Variants in CYB561D1 observed in about 807,000 individuals in gnomAD.
CYB561D1 encodes the protein cytochrome b561 family member D1.
A neutral mutation model predicts 19.2 loss-of-function variants in CYB561D1; 15 were observed. That is an observed-to-expected ratio of 0.78 (90% confidence interval 0.52 to 1.20). The LOEUF (loss-of-function observed/expected upper bound fraction) is 1.20, where lower values mean the gene tolerates loss of function less well. CYB561D1 is among the 50% of genes most tolerant of loss of function. The pLI, the probability that CYB561D1 is intolerant of heterozygous loss-of-function variation, is 0.00. For synonymous variants in CYB561D1, 133 were observed against 120.6 expected (o/e 1.10, Z -0.68); for missense variants, 297 against 287.3 (o/e 1.03, Z -0.24).
At position 109,498,536 on chromosome 1, in the gene CYB561D1, C is replaced by T. The variant is rs1321800509; in HGVS notation, c.*2277C>T. Reference sequence around the variant, plus strand: ...ATTGTGGAGGGACTTCCCTCCCCCTCTTTTCCATTTCTCCCTCCATCACCA... The same window carrying T: ...ATTGTGGAGGGACTTCCCTCCCCCTTTTTTCCATTTCTCCCTCCATCACCA... On this transcript the variant is annotated 3_prime_UTR_variant, in exon 3 of 3. Transcript: ENST00000420578. The T allele has an allele frequency of 6.6e-6, 1 of 152,242 alleles. No individual in the cohort carries two copies. Among genetic ancestry groups the T allele is most frequent in the Non-Finnish European group, 1.5e-5 (1 of 68,126 alleles). 9.4% of individuals were successfully genotyped at this position (152,242 alleles called of 1,614,324 possible). A position where few individuals can be genotyped will look rare whatever the true frequency, so the allele number is the denominator to read the frequency against.
chr1:109,494,578 T>C (rs557084559), intron 1 of CYB561D1: 5 of 1,408,730 alleles, frequency 3.5e-6, no homozygotes, highest in South Asian at 1.2e-5. Flanking sequence ...GGGTCATGCC[T>C]GAAATCCCAG....
At chr1:109,494,909 G>A (rs1310548583) in intron 1 of CYB561D1, among the ~76,000 whole-genome samples, 1 of 152,150 alleles carries the variant, frequency 6.6e-6, no homozygotes, top group Non-Finnish European at 1.5e-5. Flanking sequence ...GCTGCCAGCT[G>A]AGAGGTGCTG....
rs1224096331 is a variant in CYB561D1, at chr1:109,496,073, A to G, written c.504A>G (p.Thr168=). The G allele has an allele frequency of 1.2e-6, 2 of 1,614,020 alleles. No homozygotes were observed. The highest frequency in any genetic ancestry group is 2.2e-5 in the South Asian group (2 of 91,078). The change falls in exon 3 of 3, where the codon ACA becomes ACG. Residue 168 remains threonine (T), a synonymous_variant. Coordinates refer to ENST00000420578, the MANE Select transcript of CYB561D1 (RefSeq NM_182580.3). The part of the protein sequence containing the change: ...RVARLKLYHL[T]CGLVVYLMAT... ...CTCGCCTCAAGCTCTACCATCTGAC[A>G]TGTGGACTGGTGGTCTACCTGATGG...
chr1:109,494,168 C>T lies in CYB561D1; in HGVS notation c.29C>T (p.Pro10Leu). The change falls in exon 1 of 3, where the codon CCC becomes CTC. Residue 10 changes from proline (P) to leucine (L), a missense_variant. Pro to Leu is a moderately conservative substitution (Grantham distance 98). Transcript: ENST00000420578. ...CAGCCCCTGGAGGTAGGTCTGGTTC[C>T]CGCTCCAGCTGGGGAGCCGAGACTG... is the stretch of plus-strand genomic sequence containing the variant. MQPLEVGLV[P>L]APAGEPRLTR... The T allele has an allele frequency of 6.5e-7, 1 of 1,545,492 alleles. No homozygotes were observed. The highest frequency in any genetic ancestry group is 8.7e-7 in the Non-Finnish European group (1 of 1,143,498).
In CYB561D1 at chr1:109,498,107, G is replaced by A. The variant is rs988431631; in HGVS notation, c.*1848G>A. ...ATCTCCTCTTTCCTCATCACAGCCAGTGCTGAGAGGCTCCTTCTACCTGCC... is the reference window on the plus strand; with the variant it reads ...ATCTCCTCTTTCCTCATCACAGCCAATGCTGAGAGGCTCCTTCTACCTGCC... On this transcript the variant is annotated 3_prime_UTR_variant, in exon 3 of 3. Coordinates refer to ENST00000420578, the MANE Select transcript of CYB561D1 (RefSeq NM_182580.3). The A allele has an allele frequency of 2.6e-5, 4 of 152,270 alleles. No individual in the cohort carries two copies. The highest frequency in any genetic ancestry group is 5.9e-5 in the Non-Finnish European group (4 of 68,066). 9.4% of individuals were successfully genotyped at this position (152,270 alleles called of 1,614,324 possible).
At chr1:109,495,644 C>T (rs1354366175) in intron 2 of CYB561D1, 112 bp from the exon 3 acceptor site, 2 of 1,566,990 alleles carry the variant, frequency 1.3e-6, no homozygotes, top group Admixed American at 3.6e-5. Context: ...CCTGGTTGAA[C>T]TTATTTAACC....
chr1:109,497,499 CA>C lies in CYB561D1; in HGVS notation c.*1241del, dbSNP rs2101052008. On this transcript the variant is annotated 3_prime_UTR_variant, in exon 3 of 3. Coordinates refer to ENST00000420578, the MANE Select transcript of CYB561D1 (RefSeq NM_182580.3). The stretch of plus-strand genomic sequence containing the variant: ...CCAGAGACCACCCCGCTCCTTGCTG[CA>C]GCTGAAAGTAGTTCCCCAGGCTGCC... The C allele has an allele frequency of 6.6e-6, 1 of 152,466 alleles. No homozygotes were observed. The highest frequency in any genetic ancestry group is 1.9e-4 in the East Asian group (1 of 5,176). The allele number at this position is 152,466 out of a possible 1,614,324, so 9.4% of individuals were successfully genotyped here. A position where few individuals can be genotyped will look rare whatever the true frequency, so the allele number is the denominator to read the frequency against.
At chr1:109,494,559 G>A (rs1274675699) in intron 1 of CYB561D1, 1 of 1,449,822 alleles carries the variant, frequency 6.9e-7, no homozygotes, top group Non-Finnish European at 9.2e-7. Flanking sequence ...GAAGGAGGCC[G>A]GGCGCGGTGG....
rs1657507230 is a variant in CYB561D1, at chr1:109,495,842, G to A, written c.273G>A (p.Arg91=). 1.2e-6 allele frequency: 2 copies of A among 1,613,810 alleles called. No homozygotes were observed. Among genetic ancestry groups the A allele is most frequent in the Non-Finnish European group, 1.7e-6 (2 of 1,180,036 alleles). Residue 91 remains arginine (R), a synonymous_variant, in exon 3 of 3, where the codon CGG becomes CGA. Coordinates refer to ENST00000420578, the MANE Select transcript of CYB561D1 (RefSeq NM_182580.3). ...TCTGCTCCCGAAAAGCACGGATCCG[G>A]CTCCACTGGGCAGGGCAGACCCTAG... ...FFFCSRKARI[R]LHWAGQTLAI... is the part of the protein sequence containing the mutation.
chr1:109,496,046 G>C lies in CYB561D1; in HGVS notation c.477G>C (p.Val159=). ...CCCGGGCAGCCAGGGTCTCAAGGGT[G>C]GCTCGCCTCAAGCTCTACCATCTGA... ...LCPRAARVSR[V]ARLKLYHLTC... Residue 159 remains valine (V), a synonymous_variant, in exon 3 of 3, where the codon GTG becomes GTC. Transcript: ENST00000420578. 1 of 1,613,136 alleles carries C rather than the reference G, an allele frequency of 6.2e-7. No homozygotes were observed.
intron 2 of CYB561D1, 88 bp downstream of exon 2, chr1:109,495,268 T>A: frequency 1.4e-6 from 2 of 1,471,558 alleles, no homozygotes; most frequent in Non-Finnish European, 1.9e-6. Flanking sequence ...GCTCAGCCTT[T>A]CTAAGGCTAA....
In CYB561D1 at chr1:109,496,387, G is replaced by T; in HGVS notation, c.*128G>T. On this transcript the variant is annotated 3_prime_UTR_variant, in exon 3 of 3. Transcript: ENST00000420578. ...CTTCTTGGCTGGTCCAGGGACTGCA[G>T]AAACCAAAGCTGCTATTGTTGAGGA... is the stretch of plus-strand genomic sequence containing the variant. The T allele has an allele frequency of 9.4e-7, 1 of 1,063,828 alleles. No homozygotes were observed. 65.9% of individuals were successfully genotyped at this position (1,063,828 alleles called of 1,614,324 possible). A position where few individuals can be genotyped will look rare whatever the true frequency, so the allele number is the denominator to read the frequency against.
At chr1:109,495,229 C>A (rs754412313) in intron 2 of CYB561D1, 49 bp downstream of exon 2, 3 of 1,601,534 alleles carry the variant, frequency 1.9e-6, no homozygotes, top group South Asian at 1.1e-5. Context: ...TCACCTCATT[C>A]TCCCAGGGAA....
At chr1:109,495,603 C>G in intron 2 of CYB561D1, 153 bp from the exon 3 acceptor site, 9 of 1,454,706 alleles carry the variant, frequency 6.2e-6, no homozygotes, top group Non-Finnish European at 8.3e-6. Flanking sequence ...CCCAAATGTT[C>G]CCAGAAATGT....
At chr1:109,495,704 TC>T in intron 2 of CYB561D1, 51 bp from the exon 3 acceptor site, 4 of 1,613,994 alleles carry the variant, frequency 2.5e-6, no homozygotes. Flanking sequence ...CTCCTTTTTC[TC>T]AGGCCTCCAA....
At position 109,498,071 on chromosome 1, in the gene CYB561D1, C is replaced by T. The variant is rs1244345310; in HGVS notation, c.*1812C>T. ...GAATTTCACCTGCGGTGATTTTGATCCAGGGACTGCATCTCCTCTTTCCTC... is the reference window on the plus strand; with the variant it reads ...GAATTTCACCTGCGGTGATTTTGATTCAGGGACTGCATCTCCTCTTTCCTC... On this transcript the variant is annotated 3_prime_UTR_variant, in exon 3 of 3. Transcript: ENST00000420578. 1.3e-5 allele frequency: 2 copies of T among 152,254 alleles called. No homozygotes were observed. Among genetic ancestry groups the T allele is most frequent in the Non-Finnish European group, 2.9e-5 (2 of 68,088 alleles). The allele number at this position is 152,254 out of a possible 1,614,324, so 9.4% of individuals were successfully genotyped here.
rs1657689255 is a variant in CYB561D1 at position 109,498,290 on chromosome 1, GGCTGT to G, written c.*2034_*2038del. The G allele has an allele frequency of 6.6e-6, 1 of 152,376 alleles. No individual in the cohort carries two copies. The highest frequency in any genetic ancestry group is 2.1e-4 in the South Asian group (1 of 4,834). The allele number at this position is 152,376 out of a possible 1,614,324, so 9.4% of individuals were successfully genotyped here. A position where few individuals can be genotyped will look rare whatever the true frequency, so the allele number is the denominator to read the frequency against. ...GTGCTGACAGCCGGCAGTTTGCGTG[GGCTGT>G]GCCATCTGATGTCTATTCCCAGCCC... On this transcript the variant is annotated 3_prime_UTR_variant, in exon 3 of 3. Coordinates refer to ENST00000420578, the MANE Select transcript of CYB561D1 (RefSeq NM_182580.3).
At chr1:109,494,597 G>A (rs1374982035) in intron 1 of CYB561D1, 7 of 1,366,304 alleles carry the variant, frequency 5.1e-6, no homozygotes, top group Middle Eastern at 2.0e-4. Context: ...AGCACTTTGG[G>A]AGGCCGACGC....
At chr1:109,495,113 A>C in intron 1 of CYB561D1, 30 bp from the exon 2 acceptor site, 1 of 1,613,644 alleles carries the variant, frequency 6.2e-7, no homozygotes, top group Non-Finnish European at 8.5e-7. Context: ...AATGGTACCA[A>C]GCCCTCAGCC....
Sources: gnomAD v4.1 joint callset for allele counts (sites outside exome capture counted in the v4.1 genomes callset) on GRCh38, gnomAD v4.1.1 for gene constraint, MANE v1.5 for transcripts, NCBI Gene and HGNC (gene_info 2026-07-23, HGNC 2026-07-21) for gene names.